The following APBA1 variants were observed in gnomAD, a reference collection of about 807,000 sequenced individuals.
APBA1 encodes amyloid beta precursor protein binding family A member 1.
A neutral mutation model predicts 86.6 loss-of-function variants in APBA1; 55 were observed. The ratio of observed to expected loss-of-function variants is 0.64; its 90% confidence interval spans 0.51 to 0.80. The LOEUF is 0.80. Among genes scored for constraint, APBA1 ranks in the 30% least tolerant of loss-of-function variants. The probability of loss-of-function intolerance (pLI) is 0.00; values close to 1 mark genes in which losing one functional copy is unlikely to be tolerated. For synonymous variants in APBA1, 511 were observed against 493.9 expected (o/e 1.03, Z -0.46); for missense variants, 1,090 against 1,183.0 (o/e 0.92, Z 1.15).
rs752188303 is a variant in APBA1 at position 69,516,717 on chromosome 9, T to C, written c.494A>G (p.Tyr165Cys). Residue 165 changes from tyrosine (Y) to cysteine (C), a missense_variant, in exon 2 of 13, where the codon TAC (tyrosine) becomes TGC (cysteine). Tyr to Cys is a radical substitution (Grantham distance 194). Around this residue, in one of 6 missense-constraint regions of APBA1, gnomAD observed 678 missense variants for 647.1 expected, o/e 1.05. Coordinates refer to ENST00000265381, the MANE Select transcript of APBA1 (RefSeq NM_001163.4). The surrounding 1 kb of genome is among the most constrained non-coding windows in gnomAD (Gnocchi z 7.3). ...LEHEEAMNAAYSGYVYTHRLF... is the reference protein window; with the variant it reads ...LEHEEAMNAACSGYVYTHRLF... ...CCGGTGCGTGTAGACGTAGCCTGAG[T>C]AGGCCGCATTCATGGCTTCCTCGTG... 2.5e-6 allele frequency: 4 copies of C among 1,611,340 alleles called. No individual in the cohort carries two copies. The highest frequency in any genetic ancestry group is 3.4e-6 in the Non-Finnish European group (4 of 1,179,206).
intron 1 of APBA1, among the ~76,000 whole-genome samples, chr9:69,605,198 AC>A (rs34657351): frequency 6.6e-6 from 1 of 152,112 alleles, no homozygotes; most frequent in African/African-American, 2.4e-5. Flanking sequence ...ATAGAATTTT[AC>A]CCCTGTAGAG....
intron 1 of APBA1, among the ~76,000 whole-genome samples, chr9:69,558,816 T>C (rs1298025113): frequency 2.0e-5 from 3 of 152,150 alleles, no homozygotes; most frequent in Admixed American, 2.0e-4. Flanking sequence ...CAATTACAAG[T>C]GGCAACATAC....
intron 2 of APBA1, among the ~76,000 whole-genome samples, chr9:69,502,415 GT>G (rs201783168): frequency 6.6e-6 from 1 of 150,386 alleles, no homozygotes; most frequent in Non-Finnish European, 1.5e-5. Flanking sequence ...ATCTCTTTTT[GT>G]TTTTTTTTCC....
rs139523646 is a variant in APBA1, at chr9:69,613,983, C to T, written c.-70+58170G>A. ...TACCTTTTTGTTAACTGACCTAAGACGTAAAGATTTTGAGTTTTATCAAAA... is the reference window on the plus strand; with the variant it reads ...TACCTTTTTGTTAACTGACCTAAGATGTAAAGATTTTGAGTTTTATCAAAA... On this transcript the variant is annotated intron_variant, in intron 1 of 12. Transcript: ENST00000265381. Among the ~76,000 whole-genome samples, 165 of 152,114 alleles carry T rather than the reference C, an allele frequency of 1.1e-3. 3 individuals are homozygous for T. In the East Asian group the frequency reaches 0.029, roughly 27 times the overall value.
chr9:69,461,217 A>G (rs547324992), intron 5 of APBA1: 3 of 152,294 alleles, frequency 2.0e-5, no homozygotes, highest in South Asian at 2.1e-4. Flanking sequence ...CAAGAGAAAC[A>G]TAAGGCCAGC....
At chr9:69,510,403 T>G (rs1331573002) in intron 2 of APBA1, among the ~76,000 whole-genome samples, 1 of 144,302 alleles carries the variant, frequency 6.9e-6, no homozygotes, top group Admixed American at 7.0e-5. Flanking sequence ...TACAAACCAC[T>G]GCTCAAGGAA....
chr9:69,620,989 T>C (rs568961153), intron 1 of APBA1, among the ~76,000 whole-genome samples: 1 of 152,332 alleles, frequency 6.6e-6, no homozygotes, highest in Non-Finnish European at 1.5e-5. Context: ...GAGCTGAGAC[T>C]GAACCTGGGC....
At chr9:69,657,958 C>G (rs1485190498) in intron 1 of APBA1, among the ~76,000 whole-genome samples, 2 of 152,162 alleles carry the variant, frequency 1.3e-5, no homozygotes, top group Admixed American at 1.3e-4. Flanking sequence ...TTTGAGATGA[C>G]TGAACTGTAG....
At chr9:69,522,059 A>G (rs1164547515) in intron 1 of APBA1, among the ~76,000 whole-genome samples, 1 of 127,826 alleles carries the variant, frequency 7.8e-6, no homozygotes, top group Non-Finnish European at 1.7e-5. Context: ...ACATACTCAC[A>G]CCATTTTATA....
At chr9:69,597,975 A>G (rs1314014138) in intron 1 of APBA1, among the ~76,000 whole-genome samples, 3 of 152,012 alleles carry the variant, frequency 2.0e-5, no homozygotes, top group Non-Finnish European at 4.4e-5. Flanking sequence ...CTATAAAGAC[A>G]CATGCACACG....
chr9:69,475,119 C>A (rs1835422106), intron 3 of APBA1, among the ~76,000 whole-genome samples: 1 of 152,136 alleles, frequency 6.6e-6, no homozygotes, highest in Admixed American at 6.6e-5. Context: ...TGTAAAAGGA[C>A]CCTGGGTACG....
chr9:69,499,052 T>C (rs545956699), intron 2 of APBA1, among the ~76,000 whole-genome samples: 20 of 152,268 alleles, frequency 1.3e-4, no homozygotes, highest in African/African-American at 4.6e-4. Context: ...GTTATGCTTC[T>C]GAATAAGCTT....
At chr9:69,546,666 G>C (rs1836703243) in intron 1 of APBA1, among the ~76,000 whole-genome samples, 1 of 152,116 alleles carries the variant, frequency 6.6e-6, no homozygotes, top group East Asian at 1.9e-4. Flanking sequence ...AAATACACAT[G>C]GTGGGCAAAA....
At chr9:69,455,458 C>G (rs1450029798) in intron 8 of APBA1, among the ~76,000 whole-genome samples, 1 of 152,156 alleles carries the variant, frequency 6.6e-6, no homozygotes, top group East Asian at 1.9e-4. Flanking sequence ...GGTGGCCTCA[C>G]TAGCAGCTTG....
At chr9:69,467,117 G>A (rs781667537) in intron 5 of APBA1, among the ~76,000 whole-genome samples, 3 of 152,190 alleles carry the variant, frequency 2.0e-5, no homozygotes, top group Non-Finnish European at 4.4e-5. Context: ...TTTTGGTATC[G>A]TGGTGGAGAT....
intron 2 of APBA1, among the ~76,000 whole-genome samples, chr9:69,511,342 T>C (rs1313516136): frequency 3.9e-5 from 6 of 152,292 alleles, no homozygotes; most frequent in African/African-American, 1.4e-4. Context: ...TCACTGGCCA[T>C]CAGAGAAATG....
intron 1 of APBA1, among the ~76,000 whole-genome samples, chr9:69,662,265 C>T (rs565649429): frequency 3.7e-4 from 57 of 152,218 alleles, no homozygotes; most frequent in Non-Finnish European, 7.5e-4. Flanking sequence ...GTCCAATCTG[C>T]AATATAAGTT....
At chr9:69,485,074 CA>C (rs1285524504) in intron 2 of APBA1, among the ~76,000 whole-genome samples, 2 of 151,926 alleles carry the variant, frequency 1.3e-5, no homozygotes, top group African/African-American at 4.8e-5. Context: ...CCTCAGCCTC[CA>C]AAAACACTGG....
intron 1 of APBA1, among the ~76,000 whole-genome samples, chr9:69,565,968 T>C (rs1267101753): frequency 6.6e-6 from 1 of 152,222 alleles, no homozygotes; most frequent in Admixed American, 6.5e-5. Context: ...AAGGCCTGCC[T>C]GCTCAGGCCC....
Sources: allele counts gnomAD v4.1 joint callset (sites outside exome capture counted in the v4.1 genomes callset), GRCh38; gene constraint gnomAD v4.1.1; regional missense constraint gnomAD v4.1.1; non-coding constraint Gnocchi (gnomAD v3.1); transcripts MANE v1.5; gene names NCBI Gene and HGNC (gene_info 2026-07-23, HGNC 2026-07-21).